Variants in NUP210 observed in about 807,000 individuals in gnomAD.
NUP210 encodes nucleoporin 210.
NUP210 carries 151 observed loss-of-function variants against 196.0 expected under a neutral mutation model. The ratio of observed to expected loss-of-function variants is 0.77; its 90% CI spans 0.67 to 0.88. The LOEUF is 0.88. Among genes scored for constraint, NUP210 ranks in the 40% least tolerant of loss-of-function variants. The pLI, the probability that NUP210 is intolerant of heterozygous loss-of-function variation, is 0.00. For synonymous variants in NUP210, 1,070 were observed against 1,052.7 expected (o/e 1.02, Z -0.32); for missense variants, 2,314 against 2,493.7 (o/e 0.93, Z 1.53).
At chr3:13,349,902 G>A (rs922792456) in intron 20 of NUP210, among the ~76,000 whole-genome samples, 4 of 152,180 alleles carry the variant, frequency 2.6e-5, no homozygotes, top group Non-Finnish European at 5.9e-5. Context: ...GCTCTCCTGG[G>A]GTCAGAACAA....
intron 39 of NUP210, among the ~76,000 whole-genome samples, chr3:13,318,537 C>G (rs937772892): frequency 6.6e-6 from 1 of 152,122 alleles, no homozygotes; most frequent in African/African-American, 2.4e-5. Context: ...CATTAAAGGG[C>G]CTTCACGTAC....
chr3:13,420,182 CA>C lies in NUP210; in HGVS notation c.44del (p.Val15GlyfsTer72). 1 of 1,245,178 alleles carries C rather than the reference CA, an allele frequency of 8.0e-7. No homozygotes were observed. Among genetic ancestry groups the C allele is most frequent in the Non-Finnish European group, 1.0e-6 (1 of 977,194 alleles). The allele number at this position is 1,245,178 out of a possible 1,614,324, so 77.1% of individuals were successfully genotyped here. A position where few individuals can be genotyped will look rare whatever the true frequency, so the allele number is the denominator to read the frequency against. The part of the protein sequence containing the change: ...GRGLLLLTLS[V>X]LLAAGPSAAA... ...CGGCGGAGGGGCCCGCCGCCAACAGCACCGACAGCGTCAGCAGCAGCAGCCC... is the reference window on the plus strand; with the variant it reads ...CGGCGGAGGGGCCCGCCGCCAACAGCCCGACAGCGTCAGCAGCAGCAGCCC... On this transcript the variant is annotated frameshift_variant, in exon 1 of 40. Transcript: ENST00000254508. LOFTEE classifies it high-confidence loss of function. The surrounding 1 kb of genome is among the most constrained non-coding windows in gnomAD (Gnocchi z 4.8).
At chr3:13,391,172 C>G (rs1348292900) in intron 4 of NUP210, 39 bp downstream of exon 4, 1 of 1,453,640 alleles carries the variant, frequency 6.9e-7, no homozygotes, top group Non-Finnish European at 9.6e-7. Context: ...CTTTCCCCTT[C>G]CCTTCAAAGG....
chr3:13,399,999 A>G (rs1699782566), intron 1 of NUP210, 138 bp from the exon 2 acceptor site: 1 of 1,002,680 alleles, frequency 1.0e-6, no homozygotes, highest in South Asian at 1.7e-5. Context: ...ACCTAACACC[A>G]GCTTCAAACC....
chr3:13,391,285 A>C lies in NUP210; in HGVS notation c.459T>G (p.Ala153=). The C allele has an allele frequency of 6.2e-7, 1 of 1,611,442 alleles. No homozygotes were observed. The highest frequency in any genetic ancestry group is 8.5e-7 in the Non-Finnish European group (1 of 1,178,800). Residue 153 remains alanine, a synonymous_variant, in exon 4 of 40, where the codon GCT becomes GCG. Transcript: ENST00000254508. ...DSEGNTFSTL[A]GLVFEWTIVK... ...CAATCGTCCACTCGAAGACCAGTCC[A>C]GCCAGAGTGCTGAAGGTGTTCCCTA...
At chr3:13,349,484 C>A (rs1451490906) in intron 20 of NUP210, among the ~76,000 whole-genome samples, 1 of 152,206 alleles carries the variant, frequency 6.6e-6, no homozygotes, top group Admixed American at 6.5e-5. Context: ...GGCCCGGCTG[C>A]CCTTCCCTGG....
rs910425315 is a variant in NUP210 at position 13,347,030 on chromosome 3, C to G, written c.2836-3727G>C. 2.0e-6 allele frequency: 2 copies of G among 985,314 alleles called. No homozygotes were observed. Among genetic ancestry groups the G allele is most frequent in the African/African-American group, 3.5e-5 (2 of 57,238 alleles). The allele number at this position is 985,314 out of a possible 1,614,324, so 61.0% of individuals were successfully genotyped here. A position where few individuals can be genotyped will look rare whatever the true frequency, so the allele number is the denominator to read the frequency against. On this transcript the variant is annotated intron_variant, in intron 20 of 39. Transcript: ENST00000254508. The surrounding 1 kb of genome is among the most constrained non-coding windows in gnomAD (Gnocchi z 4.7). ...AGTCTCAGGGAAAAGGTGGATGCAC[C>G]TGACTTCAGGCCCTGCAATTGCCAC...
At chr3:13,342,155 C>T (rs774828305) in intron 21 of NUP210, 32 bp from the exon 22 acceptor site, 17 of 1,612,442 alleles carry the variant, frequency 1.1e-5, no homozygotes, top group Non-Finnish European at 1.0e-5. Context: ...TCAGGGGCAG[C>T]CTCCAAAAGA....
At chr3:13,417,135 A>G (rs961812268) in intron 1 of NUP210, among the ~76,000 whole-genome samples, 2 of 152,182 alleles carry the variant, frequency 1.3e-5, no homozygotes, top group African/African-American at 4.8e-5. Context: ...GCCAGTCCCC[A>G]GGTCTAATGG....
At chr3:13,418,366 CG>C (rs1700414665) in intron 1 of NUP210, among the ~76,000 whole-genome samples, 1 of 151,644 alleles carries the variant, frequency 6.6e-6, no homozygotes, top group Admixed American at 6.6e-5. Flanking sequence ...GCAGAGGCGG[CG>C]GGATCACTTG....
chr3:13,369,638 G>T (rs947288578), intron 13 of NUP210, among the ~76,000 whole-genome samples: 2 of 152,316 alleles, frequency 1.3e-5, no homozygotes, highest in South Asian at 2.1e-4. Context: ...ATGTCGATAC[G>T]TGGTTGTCCC....
chr3:13,332,529 T>C (rs1697039544), intron 28 of NUP210, 145 bp from the exon 29 acceptor site: 4 of 656,368 alleles, frequency 6.1e-6, no homozygotes, highest in Non-Finnish European at 1.1e-5. Flanking sequence ...ACTGATGACA[T>C]GATGTGAAGG....
intron 6 of NUP210, among the ~76,000 whole-genome samples, chr3:13,383,709 A>G (rs1699176869): frequency 6.6e-6 from 1 of 151,400 alleles, no homozygotes; most frequent in South Asian, 2.1e-4. Flanking sequence ...CTGTATTTTT[A>G]GTAGAGACAG....
chr3:13,323,598 G>T lies in NUP210; in HGVS notation c.4645-166C>A, dbSNP rs576382389. Among the ~76,000 whole-genome samples, 2 of 152,202 alleles carry T rather than the reference G, an allele frequency of 1.3e-5. No individual in the cohort carries two copies. The highest frequency in any genetic ancestry group is 1.3e-4 in the Admixed American group (2 of 15,286). ...CGCCTTGCTAGAATGTGGCAGAGAG[G>T]GGGTTTGAGCCCAGTCTGGTCAGAC... On this transcript the variant is annotated intron_variant, in intron 33 of 39. Transcript: ENST00000254508. This position sits in a 1 kb window ranked among gnomAD's most constrained non-coding sequence, Gnocchi z 4.3.
At chr3:13,330,716 T>C in intron 29 of NUP210, 82 bp from the exon 30 acceptor site, 1 of 1,340,176 alleles carries the variant, frequency 7.5e-7, no homozygotes, top group Non-Finnish European at 1.0e-6. Flanking sequence ...GATCTAAGAG[T>C]CTGTGGCTCC....
intron 1 of NUP210, among the ~76,000 whole-genome samples, chr3:13,400,195 C>G (rs935661511): frequency 3.3e-5 from 5 of 152,168 alleles, no homozygotes; most frequent in African/African-American, 4.8e-5. Context: ...TCGTTCAGTA[C>G]CAGCAGGAAA....
intron 3 of NUP210, among the ~76,000 whole-genome samples, chr3:13,395,766 T>C (rs1037986564): frequency 1.3e-5 from 2 of 152,200 alleles, no homozygotes; most frequent in Non-Finnish European, 2.9e-5. Flanking sequence ...CATGTGAACA[T>C]GTGTTTTCTG....
chr3:13,321,535 C>T lies in NUP210; in HGVS notation c.5166+50G>A, dbSNP rs774391335. 2.5e-6 allele frequency: 4 copies of T among 1,586,688 alleles called. No individual in the cohort carries two copies. In the Admixed American group the frequency reaches 6.8e-5, roughly 27 times the overall value. On this transcript the variant is annotated intron_variant, in intron 36 of 39. Coordinates refer to ENST00000254508, the MANE Select transcript of NUP210 (RefSeq NM_024923.4). ...ACATTCCCTCTTCCTCCAGGGCCTT[C>T]CTGATGCCCCTGACTCCGGCCTGGC...
chr3:13,359,823 A>G (rs1243188735), intron 15 of NUP210, among the ~76,000 whole-genome samples: 1 of 152,242 alleles, frequency 6.6e-6, no homozygotes, highest in Non-Finnish European at 1.5e-5. Flanking sequence ...GGTTTTCAGC[A>G]TTAAAAAACT....
Sources: gnomAD v4.1 joint callset for allele counts (sites outside exome capture counted in the v4.1 genomes callset) on GRCh38, gnomAD v4.1.1 for gene constraint, Gnocchi (gnomAD v3.1) non-coding constraint, MANE v1.5 for transcripts, NCBI Gene and HGNC (gene_info 2026-07-23, HGNC 2026-07-21) for gene names.